Variants in AGBL2 observed in about 807,000 individuals in gnomAD.
AGBL2 encodes AGBL carboxypeptidase 2.
AGBL2 carries 87 observed loss-of-function variants against 103.0 expected under a neutral mutation model. That is an observed-to-expected ratio of 0.84 (90% CI 0.71 to 1.01). The LOEUF is 1.01. Among genes scored for constraint, AGBL2 ranks in the 50% least tolerant of loss-of-function variants. The pLI is 0.00. For synonymous variants in AGBL2, 335 were observed against 356.7 expected (o/e 0.94, Z 0.69); for missense variants, 904 against 1,023.5 (o/e 0.88, Z 1.59).
intron 13 of AGBL2, among the ~76,000 whole-genome samples, chr11:47,679,613 A>G (rs1358633046): frequency 1.3e-5 from 2 of 151,036 alleles, no homozygotes; most frequent in African/African-American, 4.9e-5. Flanking sequence ...CTCACTTTGG[A>G]CCCATGTGAA....
intron 7 of AGBL2, among the ~76,000 whole-genome samples, chr11:47,701,476 A>G (rs1268478657): frequency 1.3e-5 from 2 of 151,576 alleles, no homozygotes; most frequent in Non-Finnish European, 1.5e-5. Context: ...TCTCAAAAAA[A>G]AAAAAAAAAA....
chr11:47,673,557 G>A (rs2097363884), intron 14 of AGBL2, among the ~76,000 whole-genome samples: 1 of 151,456 alleles, frequency 6.6e-6, no homozygotes. Context: ...CCCGGGAGGT[G>A]GAGACTGCAG....
At chr11:47,685,515 A>G (rs2097420225) in intron 11 of AGBL2, among the ~76,000 whole-genome samples, 1 of 151,806 alleles carries the variant, frequency 6.6e-6, no homozygotes, top group Non-Finnish European at 1.5e-5. Context: ...TCTGCTTCCC[A>G]AGTTTAAGCG....
intron 3 of AGBL2, among the ~76,000 whole-genome samples, chr11:47,712,382 T>G (rs1480943331): frequency 6.6e-6 from 1 of 152,182 alleles, no homozygotes; most frequent in African/African-American, 2.4e-5. Context: ...TATTTCAATA[T>G]ACCAGTAACA....
chr11:47,704,769 C>T (rs1275829654), intron 6 of AGBL2, 41 bp from the exon 7 acceptor site: 33 of 1,559,144 alleles, frequency 2.1e-5, no homozygotes, highest in Non-Finnish European at 2.9e-5. Context: ...CTTCCTTTTC[C>T]TCCTTGGGAA....
intron 8 of AGBL2, among the ~76,000 whole-genome samples, chr11:47,696,029 AAAAAAAAG>A (rs1257788032): frequency 6.5e-3 from 56 of 8,676 alleles, no homozygotes; most frequent in Non-Finnish European, 0.015. Flanking sequence ...AAAAAAAAAA[AAAAAAAAG>A]AAAAAAAAAA....
At chr11:47,692,075 A>C in intron 9 of AGBL2, 28 bp downstream of exon 9, 1 of 1,596,710 alleles carries the variant, frequency 6.3e-7, no homozygotes, top group Non-Finnish European at 8.6e-7. Flanking sequence ...CACTCCAATT[A>C]TCATCCCTTT....
At chr11:47,702,785 A>G (rs1025959241) in intron 7 of AGBL2, among the ~76,000 whole-genome samples, 1 of 152,060 alleles carries the variant, frequency 6.6e-6, no homozygotes, top group Non-Finnish European at 1.5e-5. Context: ...GAGGCAGGAG[A>G]ATCGCTTGAA....
intron 7 of AGBL2, among the ~76,000 whole-genome samples, chr11:47,702,719 C>A (rs989378598): frequency 1.3e-5 from 2 of 151,614 alleles, no homozygotes; most frequent in African/African-American, 4.8e-5. Flanking sequence ...ACTAAAAATA[C>A]AAAAATTAGC....
In AGBL2 at chr11:47,660,176, C is replaced by G; in HGVS notation, c.2706G>C (p.Pro902=). The part of the protein sequence containing the change: ...AYPSLHIYTY[P] ...GTGTGGCACAGCCCAGGCTCACCTACGGGTATGTGTATATGTGCAAGGATG... is the reference window on the plus strand; with the variant it reads ...GTGTGGCACAGCCCAGGCTCACCTAGGGGTATGTGTATATGTGCAAGGATG... Residue 902 remains proline, a synonymous_variant, in exon 19 of 19, where the codon CCG becomes CCC. Transcript: ENST00000525123. 1 of 1,609,292 alleles carries G rather than the reference C, an allele frequency of 6.2e-7. No homozygotes were observed. The highest frequency in any genetic ancestry group is 1.1e-5 in the South Asian group (1 of 90,286).
chr11:47,695,907 G>A (rs1044754943), intron 8 of AGBL2, among the ~76,000 whole-genome samples: 4 of 147,312 alleles, frequency 2.7e-5, no homozygotes, highest in Non-Finnish European at 3.0e-5. Context: ...GGTCACGCCT[G>A]TAATCTCAGC....
Position 47,713,300 on chromosome 11 carries a change from C to A in AGBL2, c.97+984G>T, listed in dbSNP as rs188140892. On this transcript the variant is annotated intron_variant, in intron 3 of 18. Transcript: ENST00000525123. ...TGGAGGTCGCAGTGAGCCGAGATTG[C>A]GCCATTGCATTTCAGCCTGGGTGAA... Among the ~76,000 whole-genome samples, 8 of 146,702 alleles carry A rather than the reference C, an allele frequency of 5.5e-5. No homozygotes were observed. The Admixed American group carries it at 5.5e-4, about 10-fold the overall frequency.
Position 47,660,277 on chromosome 11 carries a change from G to T in AGBL2, c.2605C>A (p.Pro869Thr). The change falls in exon 19 of 19, where the codon CCA becomes ACA. Residue 869 changes from proline to threonine, a missense_variant. Physicochemically the swap from Pro to Thr is conservative, Grantham distance 38 (BLOSUM62 -1). Transcript: ENST00000525123. ...CTAGGCCAGTTTGGCTTCATACCTG[G>T]AGCTGGCTCTTGGCTGGAGTTTATG... ...RTINSSQEPA[P>T]GMKPNWPRSR... 6.2e-7 allele frequency: 1 copy of T among 1,614,228 alleles called. No individual in the cohort carries two copies. Among genetic ancestry groups the T allele is most frequent in the Non-Finnish European group, 8.5e-7 (1 of 1,180,046 alleles).
At chr11:47,673,668 G>C (rs527810787) in intron 14 of AGBL2, among the ~76,000 whole-genome samples, 7 of 150,406 alleles carry the variant, frequency 4.7e-5, no homozygotes. Flanking sequence ...GTGGGCGCCT[G>C]TAATAATCCC....
chr11:47,695,381 A>T (rs1356753877), intron 8 of AGBL2, among the ~76,000 whole-genome samples: 1 of 149,682 alleles, frequency 6.7e-6, no homozygotes, highest in Admixed American at 6.7e-5. Context: ...AGGCTGAGGC[A>T]GGAGAATCGC....
chr11:47,690,448 C>A lies in AGBL2; in HGVS notation c.1259G>T (p.Cys420Phe), dbSNP rs762260012. 2.5e-6 allele frequency: 4 copies of A among 1,614,054 alleles called. No homozygotes were observed. In the South Asian group the frequency reaches 4.4e-5, roughly 18 times the overall value. The change falls in exon 10 of 19, where the codon TGC becomes TTC. Residue 420 changes from cysteine to phenylalanine, a missense_variant. Physicochemically the swap from Cys to Phe is radical, Grantham distance 205. Coordinates refer to ENST00000525123, the MANE Select transcript of AGBL2 (RefSeq NM_024783.4). ...VANNPIQSQF[C>F]KLQTLCRSLA... ...GCTCCTGCATAAAGTTTGGAGCTTG[C>A]AGAACTGAGACTGGATAGGGTTGTT...
At chr11:47,667,480 TGG>T in intron 16 of AGBL2, 89 bp downstream of exon 16, 1 of 1,450,468 alleles carries the variant, frequency 6.9e-7, no homozygotes, top group South Asian at 1.3e-5. Flanking sequence ...ATCCCCTTTT[TGG>T]TTTAGAGTAA....
chr11:47,668,913 T>C lies in AGBL2; in HGVS notation c.2148-6A>G. On this transcript the variant is annotated splice_polypyrimidine_tract_variant and splice_region_variant and intron_variant, in intron 14 of 18. Coordinates refer to ENST00000525123, the MANE Select transcript of AGBL2 (RefSeq NM_024783.4). ...AACTGTCAGAGCCACTGGTGCTGTT[T>C]CCAAAAGAAAAAAAGAAGAGGAAAT... 6.2e-7 allele frequency: 1 copy of C among 1,610,048 alleles called. No homozygotes were observed.
chr11:47,708,897 C>T (rs970581074), intron 4 of AGBL2, among the ~76,000 whole-genome samples: 1 of 151,788 alleles, frequency 6.6e-6, no homozygotes, highest in East Asian at 1.9e-4. Flanking sequence ...TGAGGTGGGC[C>T]GATCACCTGA....
Sources: gnomAD v4.1 joint callset for allele counts (sites outside exome capture counted in the v4.1 genomes callset) on GRCh38, gnomAD v4.1.1 for gene constraint, MANE v1.5 for transcripts, NCBI Gene and HGNC (gene_info 2026-07-23, HGNC 2026-07-21) for gene names.